LAMA5: variants seen among roughly 807,000 people sequenced by gnomAD.
LAMA5 encodes the protein laminin subunit alpha-5.
In LAMA5, 260 loss-of-function variants were observed where a neutral mutation model predicts 433.4. That is an observed-to-expected ratio of 0.60 (90% CI 0.54 to 0.66). The LOEUF is 0.66. LAMA5 is among the 30% of genes least tolerant of loss of function. The probability of loss-of-function intolerance (pLI) is 0.00; values close to 1 mark genes in which losing one functional copy is unlikely to be tolerated. For missense variants in LAMA5, 5,378 were observed against 5,258.5 expected (o/e 1.02, Z -0.70); for synonymous variants, 2,620 against 2,226.6 (o/e 1.18, Z -4.97).
chr20:62,351,664 G>T (rs374201892), intron 6 of LAMA5, 40 bp downstream of exon 6: 9 of 1,583,856 alleles, frequency 5.7e-6, no homozygotes, highest in African/African-American at 2.7e-5. Context: ...AGCTGGGGGG[G>T]GCCTCACCTG....
At chr20:62,327,069 G>T in intron 38 of LAMA5, 103 bp from the exon 39 acceptor site, 1 of 1,112,548 alleles carries the variant, frequency 9.0e-7, no homozygotes, top group Admixed American at 2.3e-5. Flanking sequence ...CCTGTGCTGG[G>T]CCTGGATACT....
At chr20:62,315,679 C>A (rs563576285) in intron 58 of LAMA5, among the ~76,000 whole-genome samples, 10 of 152,128 alleles carry the variant, frequency 6.6e-5, no homozygotes, top group African/African-American at 1.9e-4. Context: ...GTGCCCCAAT[C>A]CCCCCCAAGG....
rs377390907 is a variant in LAMA5, at chr20:62,324,207, G to A, written c.5644-3C>T. On this transcript the variant is annotated splice_polypyrimidine_tract_variant and splice_region_variant and intron_variant, in intron 42 of 79. Transcript: ENST00000252999. This position sits in a 1 kb window ranked among gnomAD's most constrained non-coding sequence, Gnocchi z 4.4. ...CCTTCGGTGTTGTGCTGGCAGTCCT[G>A]GGGCAGAGTGGACAGTCAGAGCTAT... 5.1e-6 allele frequency: 8 copies of A among 1,577,706 alleles called. No homozygotes were observed. The African/African-American group carries it at 9.7e-5, about 19-fold the overall frequency.
Position 62,328,424 on chromosome 20 carries a change from A to AGGCGGGCACCGCAGTCACAGGCTGTGG in LAMA5, c.4448-6_4468dup (p.Arg1489_Leu1490insProThrAlaCysAspCysGlyAlaArg). ...GCACTGGCCCGTGAGCTCGTCACAGAGGCGGGCACCGCAGTCACAGGCTGT... is the reference window on the plus strand; with the variant it reads ...GCACTGGCCCGTGAGCTCGTCACAGAGGCGGGCACCGCAGTCACAGGCTGTGGGGCGGGCACCGCAGTCACAGGCTGT... On this transcript the variant is annotated inframe_insertion, in exon 35 of 80. Coordinates refer to ENST00000252999, the MANE Select transcript of LAMA5 (RefSeq NM_005560.6). 1 of 1,513,048 alleles carries AGGCGGGCACCGCAGTCACAGGCTGTGG rather than the reference A, an allele frequency of 6.6e-7. No individual in the cohort carries two copies. Among genetic ancestry groups the AGGCGGGCACCGCAGTCACAGGCTGTGG allele is most frequent in the African/African-American group, 1.4e-5 (1 of 73,326 alleles). The allele number at this position is 1,513,048 out of a possible 1,614,324, so 93.7% of individuals were successfully genotyped here.
Position 62,333,640 on chromosome 20 carries a change from T to A in LAMA5, c.2945A>T (p.Gln982Leu), listed in dbSNP as rs751571882. 6.3e-7 allele frequency: 1 copy of A among 1,589,756 alleles called. No individual in the cohort carries two copies. Among genetic ancestry groups the A allele is most frequent in the Admixed American group, 1.8e-5 (1 of 55,792 alleles). ...CACAAAGGGCTCTCCGAAGCCCCTC[T>A]GGGGCACGGTGATGAAGGCAGGCTC... ...STEPAFITVP[Q>L]RGFGEPFVLN... The change falls in exon 24 of 80, where the codon CAG becomes CTG. Residue 982 changes from glutamine to leucine, a missense_variant. Coordinates refer to ENST00000252999, the MANE Select transcript of LAMA5 (RefSeq NM_005560.6).
chr20:62,352,294 G>A lies in LAMA5; in HGVS notation c.635C>T (p.Ala212Val), dbSNP rs983253267. The stretch of plus-strand genomic sequence containing the variant: ...TGAGTACTCGGTGGTGCAGATGGCC[G>A]CGTCGTCCCGTGTGATGCGCTCCAG... Reference protein sequence around the residue: ...QTLERITRDDAAICTTEYSRI... With the variant: ...QTLERITRDDVAICTTEYSRI... The change falls in exon 4 of 80, where the codon GCG becomes GTG. Residue 212 changes from alanine to valine, a missense_variant. Transcript: ENST00000252999. 9 of 1,599,814 alleles carry A rather than the reference G, an allele frequency of 5.6e-6. No homozygotes were observed. The African/African-American group carries it at 8.0e-5, about 14-fold the overall frequency.
At chr20:62,332,952 G>GAGGCAGGAGGCC in intron 26 of LAMA5, 138 bp downstream of exon 26, 1 of 1,172,204 alleles carries the variant, frequency 8.5e-7, no homozygotes, top group Non-Finnish European at 1.2e-6. Flanking sequence ...CAGGAGGCAG[G>GAGGCAGGAGGCC]GGCGCCCTGC....
In LAMA5 at chr20:62,318,457, G is replaced by A. The variant is rs764973582; in HGVS notation, c.7236C>T (p.Ala2412=). 48 of 1,603,736 alleles carry A rather than the reference G, an allele frequency of 3.0e-5. No individual in the cohort carries two copies. In the Admixed American group the frequency reaches 7.2e-4, roughly 24 times the overall value. Reference sequence around the variant, plus strand: ...AGAACAAGTCCGGGGTCCTCACCAGGGCTTCCTCCAGGCGCTCCTGGTTGC... The same window carrying A: ...AGAACAAGTCCGGGGTCCTCACCAGAGCTTCCTCCAGGCGCTCCTGGTTGC... The part of the protein sequence containing the change: ...NSRNQERLEE[A]LQRKQELSRD... The change falls in exon 53 of 80, where the codon GCC becomes GCT. Residue 2412 remains alanine, a synonymous_variant. Coordinates refer to ENST00000252999, the MANE Select transcript of LAMA5 (RefSeq NM_005560.6).
At chr20:62,345,979 A>C (rs1475142815) in intron 10 of LAMA5, 102 bp from the exon 11 acceptor site, 1 of 1,577,214 alleles carries the variant, frequency 6.3e-7, no homozygotes, top group East Asian at 2.3e-5. Context: ...AGATGCAGGC[A>C]GGATAACATG....
intron 45 of LAMA5, 28 bp from the exon 46 acceptor site, chr20:62,322,786 C>G (rs1488307203): frequency 1.4e-6 from 2 of 1,385,786 alleles, no homozygotes; most frequent in Admixed American, 5.5e-5. Flanking sequence ...GACTGCAGCC[C>G]TGGGCCCTCT....
At chr20:62,312,138 C>T (rs780298263) in intron 69 of LAMA5, 35 bp downstream of exon 69, 46 of 1,609,480 alleles carry the variant, frequency 2.9e-5, no homozygotes, top group East Asian at 8.9e-5. Flanking sequence ...ACGGCCACCG[C>T]GGGGTGGGGA....
At chr20:62,311,816 T>TACCC in intron 70 of LAMA5, 32 bp from the exon 71 acceptor site, 1 of 1,521,014 alleles carries the variant, frequency 6.6e-7, no homozygotes, top group Non-Finnish European at 8.9e-7. Context: ...GCTCGGTTTT[T>TACCC]CCCCACCCTG....
rs1204703383 is a variant in LAMA5, at chr20:62,311,464, T to A, written c.9879A>T (p.Ala3293=). 3.7e-6 allele frequency: 6 copies of A among 1,607,362 alleles called. No homozygotes were observed. The highest frequency in any genetic ancestry group is 2.2e-5 in the East Asian group (1 of 44,556). Residue 3293 remains alanine (A), a synonymous_variant, in exon 72 of 80, where the codon GCA becomes GCT. Transcript: ENST00000252999. ...CCGGGGTCTGGGCTTGCAGGGCGGG[T>A]GCACAGCCCGTGCTCACATTGACGC... ...LGSVNVSTGC[A]PALQAQTPGL...
chr20:62,353,144 C>T lies in LAMA5; in HGVS notation c.558G>A (p.Gln186=), dbSNP rs548845980. The T allele has an allele frequency of 5.1e-4, 796 of 1,574,486 alleles. 2 individuals are homozygous for T. The highest frequency in any genetic ancestry group is 6.2e-4 in the Non-Finnish European group (717 of 1,160,262). ...MDFGRTYQPW[Q]FFASSKRDCL... Reference sequence around the variant, plus strand: ...GCGGCAGAGACTCACAGGCAAAGAACTGCCAGGGCTGGTAGGTGCGGCCGA... The same window carrying T: ...GCGGCAGAGACTCACAGGCAAAGAATTGCCAGGGCTGGTAGGTGCGGCCGA... Residue 186 remains glutamine, a synonymous_variant, in exon 3 of 80, where the codon CAG becomes CAA. Coordinates refer to ENST00000252999, the MANE Select transcript of LAMA5 (RefSeq NM_005560.6).
intron 53 of LAMA5, 149 bp downstream of exon 53, chr20:62,318,305 A>AGT: frequency 5.4e-6 from 1 of 186,806 alleles, no homozygotes; most frequent in East Asian, 7.8e-5. Flanking sequence ...GGAGGGGGGG[A>AGT]AGAAGAGGAG....
Position 62,322,643 on chromosome 20 carries a change from AC to A in LAMA5, c.6165+14del. On this transcript the variant is annotated intron_variant, in intron 46 of 79. Transcript: ENST00000252999. ...AGGCCCCACCCACCCAGCCCTGCTT[AC>A]CCCACAGCCCTACCTGGCAGCGGTC... 1 of 1,280,880 alleles carries A rather than the reference AC, an allele frequency of 7.8e-7. No individual in the cohort carries two copies. The highest frequency in any genetic ancestry group is 1.1e-6 in the Non-Finnish European group (1 of 918,588). The allele number at this position is 1,280,880 out of a possible 1,614,324, so 79.3% of individuals were successfully genotyped here. A position where few individuals can be genotyped will look rare whatever the true frequency, so the allele number is the denominator to read the frequency against.
chr20:62,312,061 C>T lies in LAMA5; in HGVS notation c.9505-11G>A, dbSNP rs752689584. 6.2e-7 allele frequency: 1 copy of T among 1,610,396 alleles called. No homozygotes were observed. Among genetic ancestry groups the T allele is most frequent in the Admixed American group, 1.7e-5 (1 of 59,900 alleles). ...CTGGCATAGCCCATCCTGGGGACGG[C>T]AGCCAGGTCAGCCGGCCGGCCTGGG... On this transcript the variant is annotated splice_polypyrimidine_tract_variant and intron_variant, in intron 69 of 79. Transcript: ENST00000252999.
At chr20:62,363,232 C>G (rs1472645056) in intron 1 of LAMA5, among the ~76,000 whole-genome samples, 5 of 152,188 alleles carry the variant, frequency 3.3e-5, no homozygotes, top group African/African-American at 1.2e-4. Context: ...GGGACCGGCC[C>G]CAGAGTGGAC....
Position 62,311,098 on chromosome 20 carries a change from G to A in LAMA5, c.10089-4C>T. 1 of 1,571,168 alleles carries A rather than the reference G, an allele frequency of 6.4e-7. No homozygotes were observed. The highest frequency in any genetic ancestry group is 1.2e-5 in the South Asian group (1 of 85,938). Reference sequence around the variant, plus strand: ...GACGTGCATGGAGAGACTGGGCCTGGAAGCGGAGCTGGCGTCAGCCTGCGC... The same window carrying A: ...GACGTGCATGGAGAGACTGGGCCTGAAAGCGGAGCTGGCGTCAGCCTGCGC... On this transcript the variant is annotated splice_polypyrimidine_tract_variant and splice_region_variant and intron_variant, in intron 73 of 79. Transcript: ENST00000252999.
Sources: allele counts gnomAD v4.1 joint callset (sites outside exome capture counted in the v4.1 genomes callset), GRCh38; gene constraint gnomAD v4.1.1; non-coding constraint Gnocchi (gnomAD v3.1); transcripts MANE v1.5; gene names NCBI Gene and HGNC (gene_info 2026-07-23, HGNC 2026-07-21).